Variants in CTNNA3 observed in about 807,000 individuals in gnomAD.
CTNNA3 encodes catenin alpha-3.
Under a neutral mutation model 95.7 loss-of-function variants are expected in CTNNA3, and 76 were observed. The observed-to-expected ratio is 0.79, with a 90% CI of 0.66 to 0.96. CTNNA3 has a LOEUF of 0.96. Ranked by LOEUF, CTNNA3 falls within the 40% of genes least tolerant of loss-of-function variation. CTNNA3 has a pLI of 0.00. For synonymous variants in CTNNA3, 431 were observed against 374.4 expected (o/e 1.15, Z -1.74); for missense variants, 1,191 against 1,089.8 (o/e 1.09, Z -1.31).
intron 10 of CTNNA3, among the ~76,000 whole-genome samples, chr10:66,618,008 C>T (rs564054307): frequency 0.026 from 3,866 of 151,212 alleles, 165 homozygotes; most frequent in African/African-American, 0.09. Flanking sequence ...TTACAAGGGA[C>T]GTGAAGGACC....
At chr10:67,002,371 T>C (rs1851738803) in intron 7 of CTNNA3, among the ~76,000 whole-genome samples, 1 of 152,220 alleles carries the variant, frequency 6.6e-6, no homozygotes, top group Non-Finnish European at 1.5e-5. Flanking sequence ...TTACATTCTA[T>C]ACATATTGAA....
intron 13 of CTNNA3, among the ~76,000 whole-genome samples, chr10:66,272,963 T>A (rs1217107950): frequency 6.6e-6 from 1 of 152,166 alleles, no homozygotes. Context: ...ACTAAGCACT[T>A]ATCATACCCT....
intron 11 of CTNNA3, among the ~76,000 whole-genome samples, chr10:66,421,760 G>A (rs542232024): frequency 4.0e-5 from 6 of 149,132 alleles, no homozygotes; most frequent in African/African-American, 9.9e-5. Context: ...GGCTGAACCC[G>A]AGAGGGAGAG....
intron 9 of CTNNA3, among the ~76,000 whole-genome samples, chr10:66,742,771 C>G (rs1478195449): frequency 1.3e-5 from 2 of 152,172 alleles, no homozygotes; most frequent in African/African-American, 4.8e-5. Context: ...ATCTAATTAT[C>G]AAGACAAAGC....
intron 7 of CTNNA3, among the ~76,000 whole-genome samples, chr10:67,048,070 A>G (rs1455087931): frequency 6.6e-6 from 1 of 152,116 alleles, no homozygotes; most frequent in Non-Finnish European, 1.5e-5. Flanking sequence ...ACCTCTCTAA[A>G]TAGTCTAGAA....
chr10:66,807,299 C>G (rs543844933), intron 7 of CTNNA3, among the ~76,000 whole-genome samples: 2 of 152,190 alleles, frequency 1.3e-5, no homozygotes, highest in Non-Finnish European at 2.9e-5. Flanking sequence ...TTGGTGAACT[C>G]CCCTCACTAC....
chr10:67,140,164 T>G (rs1860487921), intron 7 of CTNNA3, among the ~76,000 whole-genome samples: 1 of 152,226 alleles, frequency 6.6e-6, no homozygotes, highest in Non-Finnish European at 1.5e-5. Context: ...TCTACATTTA[T>G]TCATTCAAAT....
chr10:66,948,812 T>C (rs904942154), intron 7 of CTNNA3, among the ~76,000 whole-genome samples: 2 of 152,162 alleles, frequency 1.3e-5, no homozygotes, highest in Non-Finnish European at 2.9e-5. Context: ...TCAATGTGAA[T>C]CCATAAATCA....
intron 5 of CTNNA3, among the ~76,000 whole-genome samples, chr10:67,377,474 A>G (rs1313200052): frequency 6.6e-6 from 1 of 152,194 alleles, no homozygotes; most frequent in African/African-American, 2.4e-5. Flanking sequence ...TCATCCTAAT[A>G]CTTTCCAAAT....
intron 7 of CTNNA3, among the ~76,000 whole-genome samples, chr10:67,161,824 A>C (rs2132090733): frequency 6.6e-6 from 1 of 152,220 alleles, no homozygotes; most frequent in Non-Finnish European, 1.5e-5. Flanking sequence ...GTATATTAAA[A>C]GTAAAAGGGT....
intron 5 of CTNNA3, among the ~76,000 whole-genome samples, chr10:67,504,451 A>AAAAAAAAAAAACAAAAAAAAAAC (rs1564699349): frequency 7.0e-6 from 1 of 143,532 alleles, no homozygotes; most frequent in Non-Finnish European, 1.5e-5. Context: ...AAAAAAAAAA[A>AAAAAAAAAAAACAAAAAAAAAAC]AAAAAAAAAC....
chr10:66,086,194 C>T (rs553468109), intron 14 of CTNNA3, among the ~76,000 whole-genome samples: 1 of 152,248 alleles, frequency 6.6e-6, no homozygotes, highest in East Asian at 1.9e-4. Flanking sequence ...GAGGCAGCAG[C>T]TGACACACGA....
intron 14 of CTNNA3, among the ~76,000 whole-genome samples, chr10:66,087,442 C>T (rs2081028957): frequency 6.6e-6 from 1 of 152,208 alleles, no homozygotes; most frequent in Admixed American, 6.6e-5. Context: ...GGGTAGAGAC[C>T]AGAGATGCTG....
rs1238087287 is a variant in CTNNA3, at chr10:66,430,980, G to T, written c.1532-51628C>A. On this transcript the variant is annotated intron_variant, in intron 11 of 17. Transcript: ENST00000433211. ...AGTGAACAGGCAACCTACAGAATGGGAGAAAATTTTTGCAAACTACTCATC... is the reference window on the plus strand; with the variant it reads ...AGTGAACAGGCAACCTACAGAATGGTAGAAAATTTTTGCAAACTACTCATC... Among the ~76,000 whole-genome samples, 3 of 152,006 alleles carry T rather than the reference G, an allele frequency of 2.0e-5. No homozygotes were observed. The East Asian group carries it at 5.8e-4, about 29-fold the overall frequency.
At chr10:66,615,365 C>T (rs531743459) in intron 10 of CTNNA3, among the ~76,000 whole-genome samples, 39 of 152,032 alleles carry the variant, frequency 2.6e-4, no homozygotes, top group Admixed American at 3.9e-4. Flanking sequence ...ATAAGTCAGT[C>T]CCCATATCAC....
intron 9 of CTNNA3, among the ~76,000 whole-genome samples, chr10:66,744,499 G>T (rs1191784501): frequency 6.6e-6 from 1 of 152,122 alleles, no homozygotes; most frequent in Non-Finnish European, 1.5e-5. Context: ...CATTGGGGTT[G>T]TCCTGTCTTG....
At chr10:66,770,377 T>C (rs1397336649) in intron 8 of CTNNA3, among the ~76,000 whole-genome samples, 1 of 152,134 alleles carries the variant, frequency 6.6e-6, no homozygotes, top group Non-Finnish European at 1.5e-5. Flanking sequence ...ACAAAAAGTT[T>C]AAAGAAGAAT....
chr10:67,254,955 A>AAG (rs1866274538), intron 5 of CTNNA3, among the ~76,000 whole-genome samples: 1 of 152,204 alleles, frequency 6.6e-6, no homozygotes, highest in African/African-American at 2.4e-5. Context: ...TAAATTTTGA[A>AAG]GTGTCACTCT....
intron 7 of CTNNA3, among the ~76,000 whole-genome samples, chr10:67,010,689 T>A (rs761141932): frequency 6.6e-6 from 1 of 152,188 alleles, no homozygotes; most frequent in Non-Finnish European, 1.5e-5. Flanking sequence ...TGCTTTTGTA[T>A]AGCCATGCAA....
Sources: gnomAD v4.1 joint callset for allele counts (sites outside exome capture counted in the v4.1 genomes callset) on GRCh38, gnomAD v4.1.1 for gene constraint, MANE v1.5 for transcripts, NCBI Gene and HGNC (gene_info 2026-07-23, HGNC 2026-07-21) for gene names.